The following C1orf21 variants were observed in gnomAD, a reference collection of about 807,000 sequenced individuals.
C1orf21 encodes the protein uncharacterized protein C1orf21.
In C1orf21, 3 loss-of-function variants were observed where a neutral mutation model predicts 18.7. That is an observed-to-expected ratio of 0.16 (90% CI 0.07 to 0.42). The LOEUF (loss-of-function observed/expected upper bound fraction) is 0.42. C1orf21 is among the 10% of genes least tolerant of loss of function. The probability of loss-of-function intolerance (pLI) is 0.99; values close to 1 mark genes in which losing one functional copy is unlikely to be tolerated. For missense variants in C1orf21, 104 were observed against 143.6 expected (o/e 0.72, Z 1.41); for synonymous variants, 41 against 46.4 (o/e 0.88, Z 0.47).
chr1:184,449,468 G>T (rs1409320479), intron 1 of C1orf21, among the ~76,000 whole-genome samples: 2 of 152,076 alleles, frequency 1.3e-5, no homozygotes, highest in East Asian at 3.8e-4. Flanking sequence ...ATTTGGGTTG[G>T]TTCCAAGTCT....
chr1:184,441,303 C>T (rs931941139), intron 1 of C1orf21, among the ~76,000 whole-genome samples: 11 of 152,164 alleles, frequency 7.2e-5, no homozygotes, highest in African/African-American at 2.7e-4. Flanking sequence ...TTAAACTTTT[C>T]CTACGCTGAA....
At chr1:184,425,532 G>A (rs889022466) in intron 1 of C1orf21, among the ~76,000 whole-genome samples, 3 of 152,064 alleles carry the variant, frequency 2.0e-5, no homozygotes, top group African/African-American at 7.2e-5. Context: ...AAAGTGTTGG[G>A]ATTACAGGCA....
chr1:184,580,260 C>T (rs1009108696), intron 3 of C1orf21, among the ~76,000 whole-genome samples: 2 of 152,208 alleles, frequency 1.3e-5, no homozygotes, highest in African/African-American at 2.4e-5. Context: ...AGCCACGTTT[C>T]ATCTCCTGTT....
intron 1 of C1orf21, among the ~76,000 whole-genome samples, chr1:184,410,632 T>TAATATATATATA (rs1553247994): frequency 3.1e-4 from 1 of 3,264 alleles, no homozygotes; most frequent in African/African-American, 4.6e-3. Context: ...TATATATATA[T>TAATATATATATA]ATATATATAT....
intron 2 of C1orf21, among the ~76,000 whole-genome samples, chr1:184,493,879 C>CA (rs1446606402): frequency 6.6e-6 from 1 of 152,146 alleles, no homozygotes; most frequent in Non-Finnish European, 1.5e-5. Context: ...AAATGAAAGA[C>CA]AATGTGCTTT....
intron 5 of C1orf21, among the ~76,000 whole-genome samples, chr1:184,599,067 G>GATTT (rs1393003542): frequency 6.6e-6 from 1 of 152,154 alleles, no homozygotes; most frequent in Non-Finnish European, 1.5e-5. Flanking sequence ...AGTGTGTGGG[G>GATTT]ATTTATACTG....
At chr1:184,428,885 G>A (rs149069502) in intron 1 of C1orf21, among the ~76,000 whole-genome samples, 3 of 152,220 alleles carry the variant, frequency 2.0e-5, no homozygotes, top group South Asian at 2.1e-4. Context: ...TCTCTGCATT[G>A]CTATTAAGGA....
intron 1 of C1orf21, among the ~76,000 whole-genome samples, chr1:184,388,824 T>G (rs1655927515): frequency 6.6e-6 from 1 of 152,152 alleles, no homozygotes; most frequent in Non-Finnish European, 1.5e-5. Flanking sequence ...CTGAGCTACT[T>G]CAGCACTGTT....
intron 3 of C1orf21, among the ~76,000 whole-genome samples, chr1:184,547,344 G>A (rs1173447013): frequency 6.7e-6 from 1 of 149,420 alleles, no homozygotes; most frequent in African/African-American, 2.5e-5. Context: ...TTTTTGCTTT[G>A]AAGTTTAATC....
chr1:184,578,159 C>T (rs893037411), intron 3 of C1orf21, among the ~76,000 whole-genome samples: 7 of 151,728 alleles, frequency 4.6e-5, no homozygotes, highest in Admixed American at 1.3e-4. Context: ...GGTTTCACTG[C>T]GTTGTTCAGG....
intron 2 of C1orf21, among the ~76,000 whole-genome samples, chr1:184,501,899 A>T (rs1657981602): frequency 6.6e-6 from 1 of 152,228 alleles, no homozygotes; most frequent in South Asian, 2.1e-4. Flanking sequence ...TAAGAAAAAA[A>T]GGGCAAAGGA....
chr1:184,492,457 T>C (rs1037672260), intron 2 of C1orf21, among the ~76,000 whole-genome samples: 5 of 152,260 alleles, frequency 3.3e-5, no homozygotes, highest in Non-Finnish European at 5.9e-5. Context: ...ATTATTGCTT[T>C]GTTGATTGCT....
intron 5 of C1orf21, among the ~76,000 whole-genome samples, chr1:184,616,726 CGTGTGT>C (rs55938251): frequency 2.0e-5 from 3 of 150,718 alleles, no homozygotes; most frequent in South Asian, 4.2e-4. Context: ...GTTGTGTGCA[CGTGTGT>C]GTGTGTGTGT....
chr1:184,598,825 G>A (rs965443317), intron 5 of C1orf21, among the ~76,000 whole-genome samples: 4 of 152,152 alleles, frequency 2.6e-5, no homozygotes, highest in African/African-American at 7.2e-5. Flanking sequence ...GAAACCTATC[G>A]AGGGCCTATG....
chr1:184,448,785 AG>A (rs1373484552), intron 1 of C1orf21, among the ~76,000 whole-genome samples: 3 of 152,186 alleles, frequency 2.0e-5, no homozygotes, highest in Admixed American at 2.0e-4. Context: ...GGTTGCAGGC[AG>A]GGGCAGTGAG....
intron 4 of C1orf21, among the ~76,000 whole-genome samples, chr1:184,593,692 C>T (rs972377665): frequency 6.6e-6 from 1 of 152,178 alleles, no homozygotes; most frequent in African/African-American, 2.4e-5. Flanking sequence ...CATTGTCTGG[C>T]ACTTGGTAAA....
chr1:184,507,555 T>A (rs770512311), intron 2 of C1orf21, 33 bp from the exon 3 acceptor site: 1 of 1,548,196 alleles, frequency 6.5e-7, no homozygotes, highest in East Asian at 2.3e-5. Context: ...GGGAAAAAAA[T>A]TATAAAATGT....
intron 3 of C1orf21, among the ~76,000 whole-genome samples, chr1:184,539,040 T>C (rs1429512203): frequency 6.6e-6 from 1 of 152,224 alleles, no homozygotes; most frequent in Non-Finnish European, 1.5e-5. Context: ...CCATGTTGAA[T>C]TGAAGTGATG....
At chr1:184,511,800 G>C (rs1658150285) in intron 3 of C1orf21, among the ~76,000 whole-genome samples, 1 of 151,596 alleles carries the variant, frequency 6.6e-6, no homozygotes. Context: ...TTGTTCACAT[G>C]GTGGCAGGAG....
Sources: allele counts gnomAD v4.1 joint callset (sites outside exome capture counted in the v4.1 genomes callset), GRCh38; gene constraint gnomAD v4.1.1; transcripts MANE v1.5; gene names NCBI Gene and HGNC (gene_info 2026-07-23, HGNC 2026-07-21).